Variants in AP2A2 observed in about 807,000 individuals in gnomAD.
The protein encoded by AP2A2 is AP-2 complex subunit alpha-2.
Under a neutral mutation model 104.2 loss-of-function variants are expected in AP2A2, and 32 were observed. That is an observed-to-expected ratio of 0.31 (90% CI 0.23 to 0.41). The LOEUF (loss-of-function observed/expected upper bound fraction) is 0.41. AP2A2 is among the 10% of genes least tolerant of loss of function. The pLI is 1.00. For synonymous variants in AP2A2, 539 were observed against 533.3 expected, an observed-to-expected ratio of 1.01 and a Z score of -0.15; for missense variants, 912 against 1,261.0, an observed-to-expected ratio of 0.72 and a Z score of 4.19.
chr11:959,051 C>T (rs1257020512), intron 1 of AP2A2, among the ~76,000 whole-genome samples: 1 of 152,212 alleles, frequency 6.6e-6, no homozygotes, highest in Non-Finnish European at 1.5e-5. Context: ...AGGAGTAAAC[C>T]TCCGTGTTAT....
intron 2 of AP2A2, among the ~76,000 whole-genome samples, chr11:964,091 C>A (rs888906080): frequency 6.6e-6 from 1 of 152,218 alleles, no homozygotes; most frequent in Non-Finnish European, 1.5e-5. Context: ...CCCCCTTCCA[C>A]TGTGAACTGA....
At chr11:999,695 T>C (rs1391533932) in intron 14 of AP2A2, among the ~76,000 whole-genome samples, 1 of 152,164 alleles carries the variant, frequency 6.6e-6, no homozygotes, top group Non-Finnish European at 1.5e-5. Flanking sequence ...GATTTAGTAA[T>C]AATTTAATGA....
Position 993,111 on chromosome 11 carries a change from T to C in AP2A2, c.1453-173T>C, listed in dbSNP as rs1855718069. 6.6e-6 allele frequency among the ~76,000 whole-genome samples: 1 copy of C among 152,192 alleles called. No individual in the cohort carries two copies. ...CGTGTGGCAGCCTTGGGTTCCTTGCTGCTGACACAGGTACTGAGGGTGCTG... is the reference window on the plus strand; with the variant it reads ...CGTGTGGCAGCCTTGGGTTCCTTGCCGCTGACACAGGTACTGAGGGTGCTG... On this transcript the variant is annotated intron_variant, in intron 11 of 21. Coordinates refer to ENST00000448903, the MANE Select transcript of AP2A2 (RefSeq NM_012305.4). The surrounding 1 kb of genome is among the most constrained non-coding windows in gnomAD (Gnocchi z 8.2).
intron 9 of AP2A2, among the ~76,000 whole-genome samples, chr11:988,131 G>A (rs575392969): frequency 7.9e-5 from 12 of 152,366 alleles, no homozygotes; most frequent in African/African-American, 2.9e-4. Flanking sequence ...GGGCCCATCA[G>A]CACGGGCTCT....
At chr11:929,816 T>A (rs1853231459) in intron 1 of AP2A2, among the ~76,000 whole-genome samples, 1 of 151,214 alleles carries the variant, frequency 6.6e-6, no homozygotes, top group Non-Finnish European at 1.5e-5. Flanking sequence ...AAAAAAAAGT[T>A]TTTCCCCTCC....
intron 2 of AP2A2, among the ~76,000 whole-genome samples, chr11:967,823 C>T (rs1030256321): frequency 9.9e-5 from 15 of 152,276 alleles, no homozygotes; most frequent in Admixed American, 2.6e-4. Flanking sequence ...GCCATCTCTC[C>T]TCTGATCTGC....
intron 1 of AP2A2, 55 bp from the exon 2 acceptor site, chr11:959,382 G>A: frequency 8.4e-7 from 1 of 1,192,038 alleles, no homozygotes; most frequent in Non-Finnish European, 1.2e-6. Context: ...TCAGGGAAAT[G>A]GTGTTTCTTT....
chr11:990,229 G>A (rs941346155), intron 10 of AP2A2, among the ~76,000 whole-genome samples: 2 of 152,236 alleles, frequency 1.3e-5, no homozygotes, highest in South Asian at 4.1e-4. Flanking sequence ...AGTTGAGGGG[G>A]ACAGGGACGG....
At chr11:974,413 A>G (rs1005109278) in intron 4 of AP2A2, among the ~76,000 whole-genome samples, 10 of 152,334 alleles carry the variant, frequency 6.6e-5, no homozygotes, top group African/African-American at 2.4e-4. Flanking sequence ...GGCTGGGCAC[A>G]GTGGCTCACG....
At chr11:1,008,833 T>G in intron 18 of AP2A2, 1 of 540,886 alleles carries the variant, frequency 1.8e-6, no homozygotes, top group Non-Finnish European at 3.3e-6. Flanking sequence ...TTGCACAGAC[T>G]TGGAGTTCTG....
intron 1 of AP2A2, among the ~76,000 whole-genome samples, chr11:929,468 A>G (rs921024101): frequency 3.9e-5 from 6 of 152,222 alleles, no homozygotes; most frequent in African/African-American, 1.2e-4. Flanking sequence ...AGTGGAGGCC[A>G]CTAGCCACGG....
intron 1 of AP2A2, among the ~76,000 whole-genome samples, chr11:937,295 C>T (rs1853490208): frequency 6.6e-6 from 1 of 152,072 alleles, no homozygotes; most frequent in South Asian, 2.1e-4. Context: ...GCTGGGATTA[C>T]AGGTGTGCGC....
rs977027817 is a variant in AP2A2 at position 925,887 on chromosome 11, C to A, written c.-135C>A. The A allele has an allele frequency of 7.0e-6, 4 of 570,884 alleles. No individual in the cohort carries two copies. The highest frequency in any genetic ancestry group is 1.0e-5 in the Non-Finnish European group (4 of 382,310). 35.4% of individuals were successfully genotyped at this position (570,884 alleles called of 1,614,324 possible). ...GGCGGCCCAGAAAGCGGCGCTGGGA[C>A]CCTGAGGCGGCCGTGGTTAGGCGGC... On this transcript the variant is annotated 5_prime_UTR_variant, in exon 1 of 22. Coordinates refer to ENST00000448903, the MANE Select transcript of AP2A2 (RefSeq NM_012305.4).
chr11:1,009,035 C>A lies in AP2A2; in HGVS notation c.2421-65C>A, dbSNP rs536232797. Reference sequence around the variant, plus strand: ...GGACGCTTCTCACTCCAGGCTCTTTCCCGGTCCCTGGGGCTCTCAGAGGAG... The same window carrying A: ...GGACGCTTCTCACTCCAGGCTCTTTACCGGTCCCTGGGGCTCTCAGAGGAG... On this transcript the variant is annotated intron_variant, in intron 18 of 21. Coordinates refer to ENST00000448903, the MANE Select transcript of AP2A2 (RefSeq NM_012305.4). 2.9e-4 allele frequency: 398 copies of A among 1,374,140 alleles called. 6 individuals are homozygous for A. The South Asian group carries it at 4.6e-3, about 16-fold the overall frequency. The allele number at this position is 1,374,140 out of a possible 1,614,324, so 85.1% of individuals were successfully genotyped here.
chr11:972,262 G>A lies in AP2A2; in HGVS notation c.473+7G>A, dbSNP rs751877003. Reference sequence around the variant, plus strand: ...CTAAGGTCCTCGTAGCCGGGTATGTGCCGGGCTCGTGCCGGGCTCCTGCTG... The same window carrying A: ...CTAAGGTCCTCGTAGCCGGGTATGTACCGGGCTCGTGCCGGGCTCCTGCTG... On this transcript the variant is annotated splice_region_variant and intron_variant, in intron 4 of 21. Transcript: ENST00000448903. The A allele has an allele frequency of 2.3e-5, 36 of 1,581,788 alleles. No homozygotes were observed. The highest frequency in any genetic ancestry group is 3.0e-5 in the Non-Finnish European group (35 of 1,169,108).
At chr11:930,523 G>T (rs896666613) in intron 1 of AP2A2, among the ~76,000 whole-genome samples, 2 of 151,726 alleles carry the variant, frequency 1.3e-5, no homozygotes, top group Non-Finnish European at 2.9e-5. Flanking sequence ...CCCAGTTTTA[G>T]AATTTTTTTT....
intron 1 of AP2A2, among the ~76,000 whole-genome samples, chr11:944,007 C>T (rs1008341757): frequency 6.7e-6 from 1 of 148,520 alleles, no homozygotes; most frequent in East Asian, 2.0e-4. Context: ...GTGGAGATGG[C>T]GAGAGTAAGA....
At chr11:958,893 T>C (rs891802059) in intron 1 of AP2A2, among the ~76,000 whole-genome samples, 7 of 152,170 alleles carry the variant, frequency 4.6e-5, no homozygotes, top group Non-Finnish European at 7.3e-5. Context: ...ACATCTGAGC[T>C]GAGTCTTGAA....
chr11:937,869 T>C (rs994085169), intron 1 of AP2A2, among the ~76,000 whole-genome samples: 1 of 152,166 alleles, frequency 6.6e-6, no homozygotes, highest in African/African-American at 2.4e-5. Context: ...AACTGTGGCG[T>C]GGAGAGGTTG....
Sources: allele counts gnomAD v4.1 joint callset (sites outside exome capture counted in the v4.1 genomes callset), GRCh38; gene constraint gnomAD v4.1.1; non-coding constraint Gnocchi (gnomAD v3.1); transcripts MANE v1.5; gene names NCBI Gene and HGNC (gene_info 2026-07-23, HGNC 2026-07-21).